CGGBP1: variants seen among roughly 807,000 people sequenced by gnomAD.
CGGBP1 encodes the protein CGG triplet repeat binding protein 1, also known as CGG triplet repeat-binding protein 1.
Under a neutral mutation model 11.4 loss-of-function variants are expected in CGGBP1, and 4 were observed. That is an observed-to-expected ratio of 0.35 (90% CI 0.17 to 0.80). The LOEUF (loss-of-function observed/expected upper bound fraction) is 0.80. Among genes scored for constraint, CGGBP1 ranks in the 30% least tolerant of loss-of-function variants. The pLI is 0.52. For missense variants in CGGBP1, 135 were observed against 202.1 expected (o/e 0.67, Z 2.01); for synonymous variants, 76 against 74.1 (o/e 1.03, Z -0.13).
intron 1 of CGGBP1, among the ~76,000 whole-genome samples, chr3:88,145,831 G>A (rs1273140079): frequency 6.6e-6 from 1 of 152,152 alleles, no homozygotes; most frequent in African/African-American, 2.4e-5. Flanking sequence ...CACAACTCAA[G>A]GGTAAATATG....
chr3:88,128,232 AATT>A (rs1414174877), intron 2 of CGGBP1, among the ~76,000 whole-genome samples: 2 of 152,164 alleles, frequency 1.3e-5, no homozygotes, highest in Admixed American at 6.5e-5. Context: ...ATTAATTAGT[AATT>A]ATCCTTAGTA....
At position 88,075,286 on chromosome 3, in the gene CGGBP1, G is replaced by T. The variant is rs1311851943; in HGVS notation, c.-228-17063C>A. ...ACGCTTCAAGCATAGTCATTTCCTT[G>T]CAGCCTCCACAACCTGTGTTCTGCT... On this transcript the variant is annotated intron_variant, in intron 2 of 3. Coordinates refer to the CGGBP1 transcript ENST00000462901. Among the ~76,000 whole-genome samples, 7 of 152,128 alleles carry T rather than the reference G, an allele frequency of 4.6e-5. No homozygotes were observed. In the East Asian group the frequency reaches 9.6e-4, roughly 21 times the overall value.
chr3:88,119,470 A>G (rs2107793604), intron 2 of CGGBP1, among the ~76,000 whole-genome samples: 1 of 150,106 alleles, frequency 6.7e-6, no homozygotes, highest in Middle Eastern at 3.4e-3. Context: ...TGTGCGCACC[A>G]GCATGGCACA....
intron 1 of CGGBP1, among the ~76,000 whole-genome samples, chr3:88,147,278 T>C (rs1311478382): frequency 6.6e-6 from 1 of 152,090 alleles, no homozygotes; most frequent in Non-Finnish European, 1.5e-5. Flanking sequence ...ATGGTGTTGG[T>C]GGTGATTTTA....
At chr3:88,078,205 A>G (rs1355528208) in intron 2 of CGGBP1, among the ~76,000 whole-genome samples, 1 of 152,158 alleles carries the variant, frequency 6.6e-6, no homozygotes, top group African/African-American at 2.4e-5. Context: ...ATTTAATTTC[A>G]TTCCTTCTTG....
intron 2 of CGGBP1, among the ~76,000 whole-genome samples, chr3:88,087,984 G>C (rs1708425388): frequency 6.6e-6 from 1 of 152,192 alleles, no homozygotes; most frequent in Non-Finnish European, 1.5e-5. Flanking sequence ...TTCTGGATTA[G>C]GGATGCTCAA....
chr3:88,132,778 G>C lies in CGGBP1; in HGVS notation c.-229+8192C>G, dbSNP rs145257775. On this transcript the variant is annotated intron_variant, in intron 2 of 3. Coordinates refer to the CGGBP1 transcript ENST00000462901. The stretch of plus-strand genomic sequence containing the variant: ...TTCTTTTAATAAAGATGCTGAATAG[G>C]AATAATCCCAACCTTTATGTGTAAG... Among the ~76,000 whole-genome samples the C allele has an allele frequency of 2.7e-4, 41 of 152,210 alleles. No individual in the cohort carries two copies. The East Asian group carries it at 7.9e-3, about 29-fold the overall frequency.
chr3:88,067,392 C>T (rs1449456394), intron 2 of CGGBP1, among the ~76,000 whole-genome samples: 3 of 152,150 alleles, frequency 2.0e-5, no homozygotes, highest in Non-Finnish European at 4.4e-5. Context: ...AGCCAGAGCT[C>T]AAAAGGGAGG....
rs1263651580 is a variant in CGGBP1 at position 88,138,417 on chromosome 3, A to C, written c.-229+2553T>G. The stretch of plus-strand genomic sequence containing the variant: ...AAATCTTAATCACCATAAGTTTATG[A>C]ATCACCATAAGTCCATTTTGTATTA... On this transcript the variant is annotated intron_variant, in intron 2 of 3. Coordinates refer to the CGGBP1 transcript ENST00000462901. 9.4e-5 allele frequency among the ~76,000 whole-genome samples: 14 copies of C among 149,414 alleles called. No homozygotes were observed. The Admixed American group carries it at 9.5e-4, about 10-fold the overall frequency.
At chr3:88,056,300 T>C (rs1706540382) in intron 3 of CGGBP1, 1 of 212,034 alleles carries the variant, frequency 4.7e-6, no homozygotes. Context: ...GGAAACCTAA[T>C]CACAGTTCAA....
At chr3:88,063,245 C>T (rs373292102), upstream of CGGBP1, among the ~76,000 whole-genome samples, 4 of 152,180 alleles carry the variant, frequency 2.6e-5, no homozygotes, top group South Asian at 2.1e-4. Flanking sequence ...TCAGTAATGC[C>T]GAGGTTGAGA....
intron 2 of CGGBP1, chr3:88,129,701 T>G (rs1706333869): frequency 1.3e-6 from 2 of 1,490,008 alleles, no homozygotes; most frequent in East Asian, 2.5e-5. Flanking sequence ...TATTGAAAAC[T>G]GATTGTAAGA....
At chr3:88,074,465 C>G (rs1166571523) in intron 2 of CGGBP1, among the ~76,000 whole-genome samples, 1 of 151,750 alleles carries the variant, frequency 6.6e-6, no homozygotes, top group African/African-American at 2.4e-5. Context: ...CCTCAGCCTC[C>G]CAAGTAGCTG....
rs558601163 is a variant in CGGBP1, at chr3:88,090,763, G to T, written c.-228-32540C>A. Among the ~76,000 whole-genome samples the T allele has an allele frequency of 2.0e-5, 3 of 152,148 alleles. No homozygotes were observed. In the South Asian group the frequency reaches 6.2e-4, roughly 32 times the overall value. On this transcript the variant is annotated intron_variant, in intron 2 of 3. Coordinates refer to the CGGBP1 transcript ENST00000462901. ...AACAGCTTTTATCTTTTACACCAGG[G>T]GTGTCCAATCTTATGGCTTCCCTGG...
intron 2 of CGGBP1, among the ~76,000 whole-genome samples, chr3:88,119,301 T>C (rs1379295107): frequency 2.6e-4 from 37 of 144,230 alleles, no homozygotes; most frequent in Non-Finnish European, 5.0e-4. Context: ...AACCAAACAC[T>C]GCATATTCTC....
At chr3:88,098,010 T>TA (rs1231060626) in intron 2 of CGGBP1, among the ~76,000 whole-genome samples, 3 of 151,616 alleles carry the variant, frequency 2.0e-5, no homozygotes, top group African/African-American at 4.8e-5. Context: ...GATAGAGACA[T>TA]AAAAAACCCT....
chr3:88,116,348 T>G (rs757195052), intron 2 of CGGBP1, among the ~76,000 whole-genome samples: 4 of 151,690 alleles, frequency 2.6e-5, no homozygotes, highest in Admixed American at 1.3e-4. Context: ...TGGAGAAAAC[T>G]CGTCCCTACT....
At chr3:88,076,922 C>G (rs9310068) in intron 2 of CGGBP1, among the ~76,000 whole-genome samples, 1 of 151,970 alleles carries the variant, frequency 6.6e-6, no homozygotes, top group Non-Finnish European at 1.5e-5. Context: ...GTGCAAGTAG[C>G]TAACTCAAGA....
Position 88,100,621 on chromosome 3 carries a change from G to T in CGGBP1, c.-229+40349C>A, listed in dbSNP as rs60100129. Among the ~76,000 whole-genome samples, 466 of 152,218 alleles carry T rather than the reference G, an allele frequency of 3.1e-3. 3 individuals carry two copies. The highest frequency in any genetic ancestry group is 0.011 in the African/African-American group (448 of 41,536). On this transcript the variant is annotated intron_variant, in intron 2 of 3. Transcript: ENST00000462901. Reference sequence around the variant, plus strand: ...GTGGCACATATACACCATGGAATACGATGCAGCCATAAAAAGGATGAGTTC... The same window carrying T: ...GTGGCACATATACACCATGGAATACTATGCAGCCATAAAAAGGATGAGTTC...
Sources: gnomAD v4.1 joint callset for allele counts (sites outside exome capture counted in the v4.1 genomes callset) on GRCh38, gnomAD v4.1.1 for gene constraint, MANE v1.5 for transcripts, NCBI Gene and HGNC (gene_info 2026-07-23, HGNC 2026-07-21) for gene names.